Variants in FRA10AC1 observed in about 807,000 individuals in gnomAD.
FRA10AC1 encodes the protein protein FRA10AC1.
Under a neutral mutation model 56.5 loss-of-function variants are expected in FRA10AC1, and 43 were observed. That is an observed-to-expected ratio of 0.76 (90% CI 0.60 to 0.98). The LOEUF (loss-of-function observed/expected upper bound fraction) is 0.98. Among genes scored for constraint, FRA10AC1 ranks in the 50% least tolerant of loss-of-function variants. FRA10AC1 has a pLI of 0.00. For synonymous variants in FRA10AC1, 112 were observed against 110.5 expected, an observed-to-expected ratio of 1.01 and a Z score of -0.09; for missense variants, 346 against 351.8, an observed-to-expected ratio of 0.98 and a Z score of 0.13.
In FRA10AC1 at chr10:93,692,081, A is replaced by C; in HGVS notation, c.393T>G (p.Leu131=). 1 of 1,547,266 alleles carries C rather than the reference A, an allele frequency of 6.5e-7. No individual in the cohort carries two copies. Among genetic ancestry groups the C allele is most frequent in the South Asian group, 1.3e-5 (1 of 79,332 alleles). Residue 131 remains leucine, a synonymous_variant, in exon 7 of 14, where the codon CTT becomes CTG. Coordinates refer to ENST00000359204, the MANE Select transcript of FRA10AC1 (RefSeq NM_145246.5). ...DEMDMTWEKR[L]AKKYYDKLFK... is the part of the protein sequence containing the mutation. ...ATAATTTATCATAGTATTTCTTAGC[A>C]AGTCTCTTCTCCCTAGACCCATGAA...
intron 10 of FRA10AC1, among the ~76,000 whole-genome samples, chr10:93,683,566 G>A (rs1421425946): frequency 2.0e-5 from 3 of 152,126 alleles, no homozygotes; most frequent in African/African-American, 7.2e-5. Context: ...GGCCAGGCTG[G>A]TCTCGAACTT....
chr10:93,696,215 C>G (rs919355840), intron 4 of FRA10AC1, among the ~76,000 whole-genome samples: 1 of 152,144 alleles, frequency 6.6e-6, no homozygotes, highest in African/African-American at 2.4e-5. Context: ...TAGCGAGTTC[C>G]CTAGGTTTTC....
chr10:93,669,961 A>G (rs964681322), intron 13 of FRA10AC1, 93 bp from the exon 14 acceptor site: 7 of 655,064 alleles, frequency 1.1e-5, no homozygotes, highest in Admixed American at 9.6e-5. Context: ...AAATACTTTA[A>G]GTCAACATAT....
intron 7 of FRA10AC1, among the ~76,000 whole-genome samples, chr10:93,689,502 G>A (rs10882303): frequency 0.095 from 14,444 of 152,092 alleles, 792 homozygotes; most frequent in Middle Eastern, 0.13. Context: ...GATGTCTACT[G>A]AAGCACAGCC....
At chr10:93,676,763 A>G (rs2058849246) in intron 11 of FRA10AC1, 72 bp from the exon 12 acceptor site, 1 of 1,462,558 alleles carries the variant, frequency 6.8e-7, no homozygotes, top group Admixed American at 2.8e-5. Context: ...TATAACCAGA[A>G]TTCTTAGCAA....
At position 93,700,075 on chromosome 10, in the gene FRA10AC1, A is replaced by G; in HGVS notation, c.32T>C (p.Phe11Ser). 1 of 1,604,328 alleles carries G rather than the reference A, an allele frequency of 6.2e-7. No homozygotes were observed. The highest frequency in any genetic ancestry group is 8.5e-7 in the Non-Finnish European group (1 of 1,172,768). The change falls in exon 2 of 14, where the codon TTT becomes TCT. Residue 11 changes from phenylalanine (F) to serine (S), a missense_variant. Coordinates refer to ENST00000359204, the MANE Select transcript of FRA10AC1 (RefSeq NM_145246.5). ...TTCTCCACAGCGTTCATCATCACTA[A>G]AATCAGAATCATAGCCTCCATGACC... is the stretch of plus-strand genomic sequence containing the variant. MHGHGGYDSD[F>S]SDDERCGESS...
rs1466012626 is a variant in FRA10AC1, at chr10:93,667,938, A to T, written c.*1888T>A. 2 of 152,230 alleles carry T rather than the reference A, an allele frequency of 1.3e-5. No individual in the cohort carries two copies. Among genetic ancestry groups the T allele is most frequent in the African/African-American group, 4.8e-5 (2 of 41,462 alleles). 9.4% of individuals were successfully genotyped at this position (152,230 alleles called of 1,614,324 possible). On this transcript the variant is annotated 3_prime_UTR_variant, in exon 14 of 14. Transcript: ENST00000359204. ...GTGAGGGGACTATCAAACAATGTTA[A>T]ACACTGATAAACCCAACACTGATTT...
intron 8 of FRA10AC1, among the ~76,000 whole-genome samples, chr10:93,687,162 C>T (rs1455319333): frequency 1.3e-5 from 2 of 151,790 alleles, no homozygotes; most frequent in Non-Finnish European, 3.0e-5. Context: ...ATATTTTCTA[C>T]ATACTTAGAA....
intron 7 of FRA10AC1, among the ~76,000 whole-genome samples, chr10:93,690,337 G>A (rs973763161): frequency 6.6e-6 from 1 of 152,084 alleles, no homozygotes; most frequent in African/African-American, 2.4e-5. Context: ...TTACTCTCAT[G>A]TACAATCACT....
At chr10:93,681,363 C>G (rs774204018) in intron 11 of FRA10AC1, 117 bp downstream of exon 11, 33 of 693,514 alleles carry the variant, frequency 4.8e-5, no homozygotes, top group Non-Finnish European at 6.4e-5. Flanking sequence ...CCAGTTTCCT[C>G]TCAACTACCA....
chr10:93,697,831 T>C (rs1265578335), intron 4 of FRA10AC1, among the ~76,000 whole-genome samples: 2 of 152,106 alleles, frequency 1.3e-5, no homozygotes, highest in East Asian at 3.8e-4. Flanking sequence ...AAGATAAGTA[T>C]AGGAAAAGGA....
At chr10:93,680,983 A>C (rs1336088274) in intron 11 of FRA10AC1, among the ~76,000 whole-genome samples, 5 of 152,144 alleles carry the variant, frequency 3.3e-5, no homozygotes, top group African/African-American at 4.8e-5. Flanking sequence ...AGAAACTCAT[A>C]AACTAGTAAA....
intron 6 of FRA10AC1, 67 bp from the exon 7 acceptor site, chr10:93,692,160 A>G (rs1183032664): frequency 9.3e-7 from 1 of 1,071,466 alleles, no homozygotes; most frequent in Non-Finnish European, 1.3e-6. Flanking sequence ...CTTTCAAGTG[A>G]TGTCAAAGAA....
rs2058718978 is a variant in FRA10AC1, at chr10:93,668,901, CATGAGT to C, written c.*919_*924del. On this transcript the variant is annotated 3_prime_UTR_variant, in exon 14 of 14. Coordinates refer to ENST00000359204, the MANE Select transcript of FRA10AC1 (RefSeq NM_145246.5). ...CATATCAGAGGTATATTCATATTTG[CATGAGT>C]ATATCTGAGGCAAGATACATGCACA... 6.6e-6 allele frequency: 1 copy of C among 152,108 alleles called. No homozygotes were observed. The allele number at this position is 152,108 out of a possible 1,614,324, so 9.4% of individuals were successfully genotyped here. A position where few individuals can be genotyped will look rare whatever the true frequency, so the allele number is the denominator to read the frequency against.
chr10:93,684,101 A>G lies in FRA10AC1; in HGVS notation c.626-3T>C. 6.2e-7 allele frequency: 1 copy of G among 1,605,170 alleles called. No homozygotes were observed. The highest frequency in any genetic ancestry group is 1.1e-5 in the South Asian group (1 of 90,524). Reference sequence around the variant, plus strand: ...AATGGAACATTCTTGGCATAACCCTAAAAAGAAAAGACACCACTGAATGGC... The same window carrying G: ...AATGGAACATTCTTGGCATAACCCTGAAAAGAAAAGACACCACTGAATGGC... On this transcript the variant is annotated splice_polypyrimidine_tract_variant and splice_region_variant and intron_variant, in intron 9 of 13. Transcript: ENST00000359204.
At chr10:93,675,774 C>A in intron 12 of FRA10AC1, 1 of 226,754 alleles carries the variant, frequency 4.4e-6, no homozygotes, top group South Asian at 4.5e-5. Flanking sequence ...TGAGATAAGT[C>A]CAGAGAGTAT....
Position 93,698,311 on chromosome 10 carries a change from A to G in FRA10AC1, c.163T>C (p.Leu55=), listed in dbSNP as rs1450868329. 1.2e-6 allele frequency: 2 copies of G among 1,608,298 alleles called. No homozygotes were observed. The highest frequency in any genetic ancestry group is 2.7e-5 in the African/African-American group (2 of 74,824). Residue 55 remains leucine, a synonymous_variant, in exon 3 of 14, where the codon TTG becomes CTG. Coordinates refer to ENST00000359204, the MANE Select transcript of FRA10AC1 (RefSeq NM_145246.5). ...ACTGAAATACCATACCTATCCAGCA[A>G]TTCTGCTGCAACTTGTTTATGGGCC... ...KVAHKQVAAE[L]LDREEARNRR...
chr10:93,701,219 A>G lies in FRA10AC1; in HGVS notation c.1-1113T>C, dbSNP rs75122424. Among the ~76,000 whole-genome samples, 699 of 152,298 alleles carry G rather than the reference A, an allele frequency of 4.6e-3. 42 individuals carry two copies. In the East Asian group the frequency reaches 0.11, roughly 25 times the overall value. Reference sequence around the variant, plus strand: ...TTGCACTGAATTTGGAACACACACTAAGAAGGAAGGATGGACTATTTGATG... The same window carrying G: ...TTGCACTGAATTTGGAACACACACTGAGAAGGAAGGATGGACTATTTGATG... On this transcript the variant is annotated intron_variant, in intron 1 of 13. Transcript: ENST00000359204.
intron 7 of FRA10AC1, among the ~76,000 whole-genome samples, chr10:93,691,727 G>A (rs996118470): frequency 6.6e-6 from 1 of 152,148 alleles, no homozygotes; most frequent in Non-Finnish European, 1.5e-5. Context: ...ACTAGAGTCA[G>A]GATGAAACAG....
Sources: gnomAD v4.1 joint callset for allele counts (sites outside exome capture counted in the v4.1 genomes callset) on GRCh38, gnomAD v4.1.1 for gene constraint, MANE v1.5 for transcripts, NCBI Gene and HGNC (gene_info 2026-07-23, HGNC 2026-07-21) for gene names.